The following DLGAP1 variants were observed in gnomAD, a reference collection of about 807,000 sequenced individuals.
DLGAP1 encodes the protein disks large-associated protein 1.
DLGAP1 carries 11 observed loss-of-function variants against 90.8 expected under a neutral mutation model. The observed-to-expected ratio is 0.12, with a 90% CI of 0.08 to 0.20. The LOEUF is 0.20. Among genes scored for constraint, DLGAP1 ranks in the 10% least tolerant of loss-of-function variants. The probability of loss-of-function intolerance (pLI) is 1.00; values close to 1 mark genes in which losing one functional copy is unlikely to be tolerated. For synonymous variants in DLGAP1, 558 were observed against 540.7 expected, an observed-to-expected ratio of 1.03 and a Z score of -0.44; for missense variants, 1,050 against 1,333.8, an observed-to-expected ratio of 0.79 and a Z score of 3.31.
At chr18:4,270,672 A>G (rs2079258233) in intron 1 of DLGAP1, among the ~76,000 whole-genome samples, 1 of 152,294 alleles carries the variant, frequency 6.6e-6, no homozygotes, top group Non-Finnish European at 1.5e-5. Context: ...CCCTCCAAAT[A>G]TACCTTCCAA....
intron 1 of DLGAP1, among the ~76,000 whole-genome samples, chr18:4,397,403 C>T (rs2082463071): frequency 6.6e-6 from 1 of 152,182 alleles, no homozygotes; most frequent in Non-Finnish European, 1.5e-5. Flanking sequence ...ACATCTTAAA[C>T]ATCTGATTTA....
intron 1 of DLGAP1, among the ~76,000 whole-genome samples, chr18:4,419,159 C>T (rs1221839457): frequency 2.0e-5 from 3 of 151,902 alleles, no homozygotes; most frequent in Admixed American, 2.0e-4. Context: ...AAAGACACAC[C>T]CAAGACTGGG....
intron 2 of DLGAP1, among the ~76,000 whole-genome samples, chr18:4,122,063 A>G (rs1036760578): frequency 7.2e-5 from 11 of 152,170 alleles, no homozygotes; most frequent in African/African-American, 2.7e-4. Context: ...ATTAGAGGGA[A>G]TGCAATCATG....
At chr18:3,939,416 C>CAAAAAAAA (rs10591716) in intron 3 of DLGAP1, among the ~76,000 whole-genome samples, 1 of 82,128 alleles carries the variant, frequency 1.2e-5, no homozygotes, top group African/African-American at 4.9e-5. Flanking sequence ...GATTCTGTCT[C>CAAAAAAAA]AAAAAAAAAA....
chr18:4,056,677 A>G (rs913211993), intron 2 of DLGAP1, among the ~76,000 whole-genome samples: 8 of 152,166 alleles, frequency 5.3e-5, no homozygotes, highest in Admixed American at 3.3e-4. Flanking sequence ...GAGGTCTTAT[A>G]TAGTCTGGAG....
chr18:4,337,992 T>C (rs2081110051), intron 1 of DLGAP1, among the ~76,000 whole-genome samples: 1 of 152,188 alleles, frequency 6.6e-6, no homozygotes, highest in African/African-American at 2.4e-5. Context: ...ACACCACATA[T>C]TTTAAAACAG....
intron 1 of DLGAP1, among the ~76,000 whole-genome samples, chr18:4,268,222 A>T (rs2079173569): frequency 6.6e-6 from 1 of 152,208 alleles, no homozygotes; most frequent in South Asian, 2.1e-4. Flanking sequence ...AACAAGTACA[A>T]TTCCCTTGAT....
At chr18:3,906,595 C>T (rs1472149919) in intron 3 of DLGAP1, among the ~76,000 whole-genome samples, 1 of 152,064 alleles carries the variant, frequency 6.6e-6, no homozygotes, top group Non-Finnish European at 1.5e-5. Flanking sequence ...ACAAAAAGTG[C>T]TGAAATATGA....
In DLGAP1 at chr18:3,557,243, C is replaced by T. The variant is rs1056398592; in HGVS notation, c.2057+10247G>A. Among the ~76,000 whole-genome samples, 6 of 152,028 alleles carry T rather than the reference C, an allele frequency of 3.9e-5. No individual in the cohort carries two copies. The South Asian group carries it at 6.2e-4, about 16-fold the overall frequency. Reference sequence around the variant, plus strand: ...AAATTTTAATAAGTTGTATTTCTGCCGGGTGCGGTGGCTCACGCCTGTAAT... The same window carrying T: ...AAATTTTAATAAGTTGTATTTCTGCTGGGTGCGGTGGCTCACGCCTGTAAT... On this transcript the variant is annotated intron_variant, in intron 9 of 12. Coordinates refer to ENST00000315677, the MANE Select transcript of DLGAP1 (RefSeq NM_004746.4).
chr18:3,972,347 A>G (rs2073469128), intron 3 of DLGAP1, among the ~76,000 whole-genome samples: 1 of 152,026 alleles, frequency 6.6e-6, no homozygotes, highest in African/African-American at 2.4e-5. Flanking sequence ...TTCCGTCTCT[A>G]TTTAAAAATA....
At position 3,880,000 on chromosome 18, in the gene DLGAP1, C is replaced by G; in HGVS notation, c.69G>C (p.Leu23=). Reference sequence around the variant, plus strand: ...AGGGCTTGCGGTCGGAGTGGTGCGACAGCGAGTCACAGGCCGAGTCGCAGG... The same window carrying G: ...AGGGCTTGCGGTCGGAGTGGTGCGAGAGCGAGTCACAGGCCGAGTCGCAGG... ...GVTCDSACDS[L]SHHSDRKPYL... is the part of the protein sequence containing the mutation. The change falls in exon 4 of 13, where the codon CTG becomes CTC. Residue 23 remains leucine (L), a synonymous_variant. Transcript: ENST00000315677. This position sits in a 1 kb window ranked among gnomAD's most constrained non-coding sequence, Gnocchi z 6.6. The G allele has an allele frequency of 1.2e-6, 2 of 1,610,638 alleles. No individual in the cohort carries two copies. Among genetic ancestry groups the G allele is most frequent in the Non-Finnish European group, 1.7e-6 (2 of 1,179,914 alleles).
chr18:4,030,155 G>T (rs1239487475), intron 2 of DLGAP1, among the ~76,000 whole-genome samples: 1 of 152,098 alleles, frequency 6.6e-6, no homozygotes. Flanking sequence ...ACCATGCCTG[G>T]TTAATTTTTG....
intron 5 of DLGAP1, among the ~76,000 whole-genome samples, chr18:3,804,246 A>G (rs1035526802): frequency 1.3e-5 from 2 of 152,116 alleles, no homozygotes; most frequent in Admixed American, 6.5e-5. Context: ...TGGCCTCCCA[A>G]AGTGCTGGGA....
chr18:3,660,071 A>G lies in DLGAP1; in HGVS notation c.1591+69064T>C, dbSNP rs147780037. Among the ~76,000 whole-genome samples, 87 of 152,322 alleles carry G rather than the reference A, an allele frequency of 5.7e-4. No homozygotes were observed. Among genetic ancestry groups the G allele is most frequent in the African/African-American group, 2.1e-3 (86 of 41,568 alleles). ...TTTCTTTTGTTCACATTTGACTTCA[A>G]ATATAACTTCCTCAGAGAGTCTTCC... On this transcript the variant is annotated intron_variant, in intron 7 of 12. Transcript: ENST00000315677. This position sits in a 1 kb window ranked among gnomAD's most constrained non-coding sequence, Gnocchi z 4.2.
intron 7 of DLGAP1, among the ~76,000 whole-genome samples, chr18:3,634,215 T>TCC (rs35031361): frequency 6.7e-6 from 1 of 150,034 alleles, no homozygotes; most frequent in South Asian, 2.1e-4. Context: ...TCTTTGAACA[T>TCC]CCCCCCCCAC....
rs68148153 is a variant in DLGAP1, at chr18:4,091,891, GTT to G, written c.-159+59287_-159+59288del. Among the ~76,000 whole-genome samples, 944 of 149,332 alleles carry G rather than the reference GTT, an allele frequency of 6.3e-3. 6 individuals carry two copies. Among genetic ancestry groups the G allele is most frequent in the Middle Eastern group, 0.035 (10 of 288 alleles). On this transcript the variant is annotated intron_variant, in intron 2 of 12. Coordinates refer to ENST00000315677, the MANE Select transcript of DLGAP1 (RefSeq NM_004746.4). Reference sequence around the variant, plus strand: ...GTTGATAATTTTGCCTCTTGATCATGTTTTTTTTTTTCCACATGCTTTTTTGT... The same window carrying G: ...GTTGATAATTTTGCCTCTTGATCATGTTTTTTTTTCCACATGCTTTTTTGT...
chr18:3,610,058 C>A (rs1028853471), intron 7 of DLGAP1, among the ~76,000 whole-genome samples: 1 of 148,254 alleles, frequency 6.7e-6, no homozygotes, highest in Non-Finnish European at 1.5e-5. Flanking sequence ...AACTCTGTCT[C>A]AAAAATAAAA....
chr18:3,929,839 T>C (rs2072477048), intron 3 of DLGAP1, among the ~76,000 whole-genome samples: 1 of 152,240 alleles, frequency 6.6e-6, no homozygotes, highest in African/African-American at 2.4e-5. Context: ...GAACATTCTG[T>C]AGATAAATAT....
intron 7 of DLGAP1, among the ~76,000 whole-genome samples, chr18:3,628,315 A>G (rs1015600870): frequency 2.0e-5 from 3 of 149,046 alleles, no homozygotes; most frequent in Middle Eastern, 3.6e-3. Flanking sequence ...TCAGCCTCCC[A>G]AGTAGGTGGG....
Sources: gnomAD v4.1 joint callset for allele counts (sites outside exome capture counted in the v4.1 genomes callset) on GRCh38, gnomAD v4.1.1 for gene constraint, Gnocchi (gnomAD v3.1) non-coding constraint, MANE v1.5 for transcripts, NCBI Gene and HGNC (gene_info 2026-07-23, HGNC 2026-07-21) for gene names.